CSF1R: variants seen among roughly 807,000 people sequenced by gnomAD.
CSF1R encodes the protein colony stimulating factor 1 receptor.
In CSF1R, 40 loss-of-function variants were observed where a neutral mutation model predicts 110.0. The observed-to-expected ratio is 0.36, with a 90% confidence interval of 0.28 to 0.47. The LOEUF is 0.47. Ranked by LOEUF, CSF1R falls within the 20% of genes least tolerant of loss-of-function variation. The pLI is 0.99. For missense variants in CSF1R, 1,052 were observed against 1,253.0 expected, an observed-to-expected ratio of 0.84 and a Z score of 2.42; for synonymous variants, 523 against 503.4, an observed-to-expected ratio of 1.04 and a Z score of -0.52.
Position 150,070,063 on chromosome 5 carries a change from C to A in CSF1R, c.1320G>T (p.Arg440Ser), listed in dbSNP as rs1757966255. The change falls in exon 9 of 21, where the codon AGG becomes AGT. Residue 440 changes from arginine to serine, a missense_variant and splice_region_variant. Transcript: ENST00000675795. Reference protein sequence around the residue: ...TWLQCSGHTDRCDEAQVLQVW... With the variant: ...TWLQCSGHTDSCDEAQVLQVW... Reference sequence around the variant, plus strand: ...CCTGCAGCACTTGGGCCTCATCACACCTGGCAAAAGCAGAATGTGGCTCAG... The same window carrying A: ...CCTGCAGCACTTGGGCCTCATCACAACTGGCAAAAGCAGAATGTGGCTCAG... 6.2e-7 allele frequency: 1 copy of A among 1,613,422 alleles called. No homozygotes were observed. Among genetic ancestry groups the A allele is most frequent in the Non-Finnish European group, 8.5e-7 (1 of 1,179,590 alleles).
At position 150,054,303 on chromosome 5, in the gene CSF1R, C is replaced by G. The variant is rs1193845276; in HGVS notation, c.2763+19G>C. On this transcript the variant is annotated intron_variant, in intron 20 of 20. Transcript: ENST00000675795. The stretch of plus-strand genomic sequence containing the variant: ...AACGTGCTTTACCGGCCACCCACCC[C>G]AAGCCTCACCCCACTCACCCGCTCT... 3 of 1,614,118 alleles carry G rather than the reference C, an allele frequency of 1.9e-6. No individual in the cohort carries two copies. The highest frequency in any genetic ancestry group is 2.5e-6 in the Non-Finnish European group (3 of 1,180,012).
intron 1 of CSF1R, among the ~76,000 whole-genome samples, chr5:150,111,275 C>A (rs910073248): frequency 6.6e-6 from 1 of 152,138 alleles, no homozygotes; most frequent in African/African-American, 2.4e-5. Flanking sequence ...GAACCCCGGC[C>A]GTGAGTGGGG....
intron 1 of CSF1R, among the ~76,000 whole-genome samples, chr5:150,084,199 T>G (rs1009229927): frequency 2.6e-5 from 4 of 151,528 alleles, no homozygotes; most frequent in African/African-American, 9.7e-5. Flanking sequence ...TAGCTGGGTG[T>G]GGTGGCAGGC....
intron 2 of CSF1R, 62 bp downstream of exon 2, chr5:150,080,705 A>C: frequency 6.3e-7 from 1 of 1,587,310 alleles, no homozygotes; most frequent in Non-Finnish European, 8.6e-7. Flanking sequence ...TGTTAATTTT[A>C]GGGCCCATTG....
rs753596113 is a variant in CSF1R, at chr5:150,073,336, G to A, written c.1047C>T (p.Pro349=). 3 of 1,613,966 alleles carry A rather than the reference G, an allele frequency of 1.9e-6. No individual in the cohort carries two copies. The South Asian group carries it at 3.3e-5, about 18-fold the overall frequency. ...LGPFSDHQPE[P]KLANATTKDT... ...CCTTGGTGGTAGCATTAGCAAGCTT[G>A]GGCTCAGGCTGGTGGTCAGAAAAGG... Residue 349 remains proline (P), a synonymous_variant, in exon 6 of 21, where the codon CCC becomes CCT. Transcript: ENST00000675795.
chr5:150,102,540 C>T (rs1264548680), intron 1 of CSF1R, among the ~76,000 whole-genome samples: 2 of 152,100 alleles, frequency 1.3e-5, no homozygotes, highest in South Asian at 2.1e-4. Context: ...AGTGCAGTGG[C>T]GCAGTCTTGG....
chr5:150,067,627 G>A (rs1038061423), intron 10 of CSF1R, among the ~76,000 whole-genome samples: 9 of 152,222 alleles, frequency 5.9e-5, no homozygotes, highest in Non-Finnish European at 8.8e-5. Context: ...ATGAAATAAT[G>A]AAGAGGATGA....
At chr5:150,100,391 G>T (rs943503854) in intron 1 of CSF1R, among the ~76,000 whole-genome samples, 11 of 137,402 alleles carry the variant, frequency 8.0e-5, no homozygotes, top group African/African-American at 1.9e-4. Flanking sequence ...TCCGCCTCCC[G>T]GGTTCACGCC....
rs759301512 is a variant in CSF1R at position 150,069,951 on chromosome 5, C to G, written c.1432G>C (p.Glu478Gln). 1 of 1,613,922 alleles carries G rather than the reference C, an allele frequency of 6.2e-7. No individual in the cohort carries two copies. The highest frequency in any genetic ancestry group is 1.3e-5 in the African/African-American group (1 of 74,922). ...CTGCACTCGTAGGTTTGGTTGTGCT[C>G]TAAGGTCTCAACAGTCAGCAGGCTC... ...VQSLLTVETL[E>Q]HNQTYECRAH... Residue 478 changes from glutamate to glutamine, a missense_variant, in exon 9 of 21, where the codon GAG becomes CAG. By Grantham distance (29) the Glu-to-Gln change is conservative. Transcript: ENST00000675795.
chr5:150,072,281 G>A (rs1283077242), intron 6 of CSF1R, among the ~76,000 whole-genome samples: 1 of 152,080 alleles, frequency 6.6e-6, no homozygotes, highest in Non-Finnish European at 1.5e-5. Context: ...ATCACCTGAG[G>A]TCAGGAGTTC....
At chr5:150,084,563 C>G (rs905900330) in intron 1 of CSF1R, among the ~76,000 whole-genome samples, 2 of 151,536 alleles carry the variant, frequency 1.3e-5, no homozygotes, top group Admixed American at 6.6e-5. Context: ...AGTGATTCTC[C>G]CACCTCAGCC....
At position 150,086,542 on chromosome 5, in the gene CSF1R, G is replaced by T. The variant is rs1322187142; in HGVS notation, c.-115C>A. ...CACTGGACACACGTTCCTCTCCTCT[G>T]CACTGGCTGTTTGTCTTGTTTTCCT... On this transcript the variant is annotated 5_prime_UTR_variant, in exon 1 of 21. Coordinates refer to ENST00000675795, the MANE Select transcript of CSF1R (RefSeq NM_001288705.3). 19 of 956,258 alleles carry T rather than the reference G, an allele frequency of 2.0e-5. No homozygotes were observed. Among genetic ancestry groups the T allele is most frequent in the Non-Finnish European group, 2.9e-5 (18 of 619,752 alleles). 59.2% of individuals were successfully genotyped at this position (956,258 alleles called of 1,614,324 possible).
chr5:150,107,950 G>A (rs1759602275), intron 1 of CSF1R, among the ~76,000 whole-genome samples: 1 of 152,224 alleles, frequency 6.6e-6, no homozygotes, highest in African/African-American at 2.4e-5. Context: ...ACAGCCTATT[G>A]TCAGAGCCAG....
At chr5:150,063,187 T>C (rs1351304930) in intron 10 of CSF1R, among the ~76,000 whole-genome samples, 1 of 152,040 alleles carries the variant, frequency 6.6e-6, no homozygotes, top group African/African-American at 2.4e-5. Flanking sequence ...CTGGCTAATT[T>C]TTGTAGAGAC....
At chr5:150,067,478 G>A (rs147861404) in intron 10 of CSF1R, among the ~76,000 whole-genome samples, 1 of 152,290 alleles carries the variant, frequency 6.6e-6, no homozygotes, top group African/African-American at 2.4e-5. Flanking sequence ...GTTGCTGAGG[G>A]CATTAAATGA....
rs748228488 is a variant in CSF1R, at chr5:150,057,366, C to A, written c.2240G>T (p.Gly747Val). The change falls in exon 16 of 21, where the codon GGA becomes GTA. Residue 747 changes from glycine (G) to valine (V), a missense_variant. Physicochemically the swap from Gly to Val is moderately radical, Grantham distance 109 (BLOSUM62 -3). Coordinates refer to ENST00000675795, the MANE Select transcript of CSF1R (RefSeq NM_001288705.3). Reference protein sequence around the residue: ...FSEQDLDKEDGRPLELRDLLH... With the variant: ...FSEQDLDKEDVRPLELRDLLH... ...CAGGTCCCGGAGCTCCAGGGGCCGTCCATCCTCCTTGTCCAGGTCTAGGGT... is the reference window on the plus strand; with the variant it reads ...CAGGTCCCGGAGCTCCAGGGGCCGTACATCCTCCTTGTCCAGGTCTAGGGT... 1.7e-5 allele frequency: 27 copies of A among 1,614,072 alleles called. No individual in the cohort carries two copies. The East Asian group carries it at 5.3e-4, about 32-fold the overall frequency.
intron 5 of CSF1R, among the ~76,000 whole-genome samples, chr5:150,074,530 G>T (rs886852044): frequency 6.6e-6 from 1 of 152,006 alleles, no homozygotes. Context: ...TGCTCTTGTT[G>T]AATCTCAGGC....
intron 14 of CSF1R, 86 bp downstream of exon 14, chr5:150,059,614 C>A: frequency 1.3e-6 from 2 of 1,523,776 alleles, no homozygotes. Flanking sequence ...CATTCATGAG[C>A]CATCCAACCC....
At chr5:150,079,920 G>A in intron 3 of CSF1R, 132 bp downstream of exon 3, 1 of 1,112,074 alleles carries the variant, frequency 9.0e-7, no homozygotes, top group Non-Finnish European at 1.3e-6. Context: ...GAACCATTGA[G>A]GGGAAGAAGT....
Sources: allele counts gnomAD v4.1 joint callset (sites outside exome capture counted in the v4.1 genomes callset), GRCh38; gene constraint gnomAD v4.1.1; transcripts MANE v1.5; gene names NCBI Gene and HGNC (gene_info 2026-07-23, HGNC 2026-07-21).